Variants in KALRN observed in about 807,000 individuals in gnomAD.
KALRN encodes the protein kalirin RhoGEF kinase, also known as kalirin.
A neutral mutation model predicts 353.7 loss-of-function variants in KALRN; 70 were observed. That is an observed-to-expected ratio of 0.20 (90% CI 0.16 to 0.24). The LOEUF (loss-of-function observed/expected upper bound fraction) is 0.24. KALRN is among the 10% of genes least tolerant of loss of function. The pLI, the probability that KALRN is intolerant of heterozygous loss-of-function variation, is 1.00. For synonymous variants in KALRN, 1,391 were observed against 1,434.8 expected, an observed-to-expected ratio of 0.97 and a Z score of 0.69; for missense variants, 2,791 against 3,756.7, an observed-to-expected ratio of 0.74 and a Z score of 6.72.
intron 3 of KALRN, among the ~76,000 whole-genome samples, chr3:124,252,160 G>C (rs911303494): frequency 2.0e-5 from 3 of 152,118 alleles, no homozygotes; most frequent in Non-Finnish European, 4.4e-5. Context: ...GCCTTCAGTG[G>C]TACTTAACCA....
intron 11 of KALRN, among the ~76,000 whole-genome samples, chr3:124,386,569 A>G (rs1427183793): frequency 6.6e-6 from 1 of 152,110 alleles, no homozygotes; most frequent in Non-Finnish European, 1.5e-5. Context: ...CTAAAGAACC[A>G]TATGAGCTTG....
chr3:124,286,980 C>A (rs1356667602), intron 5 of KALRN, among the ~76,000 whole-genome samples: 1 of 152,118 alleles, frequency 6.6e-6, no homozygotes, highest in East Asian at 1.9e-4. Context: ...TTCAAGAATA[C>A]AATTAAATTA....
At chr3:124,181,441 G>C (rs563054838) in intron 1 of KALRN, among the ~76,000 whole-genome samples, 20 of 152,270 alleles carry the variant, frequency 1.3e-4, no homozygotes, top group African/African-American at 4.6e-4. Flanking sequence ...ATCAGAAGCA[G>C]GTTAAATTAA....
chr3:124,144,019 T>C (rs2066969315), intron 1 of KALRN, among the ~76,000 whole-genome samples: 1 of 152,194 alleles, frequency 6.6e-6, no homozygotes, highest in Non-Finnish European at 1.5e-5. Flanking sequence ...TGTACCTTTT[T>C]TCTTTTTCTG....
At chr3:124,144,312 G>A (rs2103358) in intron 1 of KALRN, among the ~76,000 whole-genome samples, 56,989 of 151,882 alleles carry the variant, frequency 0.38, 11,070 homozygotes, top group African/African-American at 0.47. Context: ...CCCCAGGCAC[G>A]CATTCCCAGC....
intron 33 of KALRN, among the ~76,000 whole-genome samples, chr3:124,529,535 G>C (rs951812301): frequency 5.3e-5 from 8 of 152,074 alleles, no homozygotes; most frequent in African/African-American, 1.9e-4. Context: ...GCAAATTATA[G>C]CGTTGGAGCT....
At chr3:124,143,050 C>T (rs1016955988) in intron 1 of KALRN, among the ~76,000 whole-genome samples, 1 of 151,856 alleles carries the variant, frequency 6.6e-6, no homozygotes, top group Non-Finnish European at 1.5e-5. Context: ...GTACTAGGCA[C>T]ATAGTAGGTG....
At chr3:124,196,844 C>A (rs1021198570) in intron 1 of KALRN, among the ~76,000 whole-genome samples, 1 of 152,158 alleles carries the variant, frequency 6.6e-6, no homozygotes, top group Non-Finnish European at 1.5e-5. Context: ...TCTTGTTCTA[C>A]AGTTATCTAG....
intron 1 of KALRN, among the ~76,000 whole-genome samples, chr3:124,192,846 G>A (rs1276011090): frequency 6.6e-6 from 1 of 152,160 alleles, no homozygotes; most frequent in Non-Finnish European, 1.5e-5. Flanking sequence ...CTAAAACCAT[G>A]TAAAATAAAT....
At chr3:124,088,714 G>A (rs528993381) in intron 1 of KALRN, among the ~76,000 whole-genome samples, 1 of 152,290 alleles carries the variant, frequency 6.6e-6, no homozygotes, top group African/African-American at 2.4e-5. Context: ...TAAAGCCTCA[G>A]CCCTTTCCCA....
At chr3:124,707,465 C>T (rs2062689735) in intron 57 of KALRN, among the ~76,000 whole-genome samples, 1 of 151,136 alleles carries the variant, frequency 6.6e-6, no homozygotes, top group Non-Finnish European at 1.5e-5. Flanking sequence ...TTCCTTCCCT[C>T]CTTCCTTCCC....
chr3:124,050,465 C>T (rs2040919160), intron 1 of KALRN, among the ~76,000 whole-genome samples: 1 of 152,218 alleles, frequency 6.6e-6, no homozygotes, highest in African/African-American at 2.4e-5. Flanking sequence ...CTCCACACCA[C>T]AACTGGTGAA....
At chr3:124,701,588 AT>A (rs2062343856) in intron 56 of KALRN, among the ~76,000 whole-genome samples, 1 of 151,894 alleles carries the variant, frequency 6.6e-6, no homozygotes, top group South Asian at 2.1e-4. Flanking sequence ...GGGTCTTGCT[AT>A]GTGGCTCAGG....
chr3:124,551,010 A>T (rs2070459264), intron 33 of KALRN, among the ~76,000 whole-genome samples: 1 of 152,100 alleles, frequency 6.6e-6, no homozygotes, highest in Non-Finnish European at 1.5e-5. Flanking sequence ...ATAAATAAAT[A>T]AAAAGTTAAG....
chr3:124,427,111 A>T (rs888461307), intron 15 of KALRN, among the ~76,000 whole-genome samples: 1 of 152,242 alleles, frequency 6.6e-6, no homozygotes, highest in Non-Finnish European at 1.5e-5. Context: ...CCTGTGGAGA[A>T]TACTGTGTTC....
intron 33 of KALRN, among the ~76,000 whole-genome samples, chr3:124,533,809 C>T (rs1187405174): frequency 1.3e-5 from 2 of 152,160 alleles, no homozygotes; most frequent in Non-Finnish European, 2.9e-5. Context: ...CATAATTCCC[C>T]ACTCTAACTA....
chr3:124,703,455 T>G (rs1468065168), intron 57 of KALRN, among the ~76,000 whole-genome samples: 2 of 152,074 alleles, frequency 1.3e-5, no homozygotes, highest in African/African-American at 4.8e-5. Flanking sequence ...TTTAATTTAA[T>G]CCATACAACA....
chr3:124,664,371 G>GCGCGCGCACGCGCGCGCGCA (rs1553719836), intron 45 of KALRN, among the ~76,000 whole-genome samples: 2 of 77,044 alleles, frequency 2.6e-5, no homozygotes, highest in African/African-American at 2.1e-4. Flanking sequence ...GTGTGTGTGT[G>GCGCGCGCACGCGCGCGCGCA]CGCGCGCGCG....
chr3:124,065,069 A>C (rs1422880648), intron 1 of KALRN, among the ~76,000 whole-genome samples: 1 of 152,160 alleles, frequency 6.6e-6, no homozygotes, highest in African/African-American at 2.4e-5. Context: ...TACATTGGGA[A>C]GGTGGGTCTT....
Sources: allele counts gnomAD v4.1 joint callset (sites outside exome capture counted in the v4.1 genomes callset), GRCh38; gene constraint gnomAD v4.1.1; transcripts MANE v1.5; gene names NCBI Gene and HGNC (gene_info 2026-07-23, HGNC 2026-07-21).